THBS4: variants seen among roughly 807,000 people sequenced by gnomAD.
THBS4 encodes the protein thrombospondin-4.
THBS4 carries 90 observed loss-of-function variants against 115.7 expected under a neutral mutation model. The observed-to-expected ratio is 0.78, with a 90% CI of 0.66 to 0.93. The LOEUF (loss-of-function observed/expected upper bound fraction) is 0.93, where lower values mean the gene tolerates loss of function less well. Among genes scored for constraint, THBS4 ranks in the 40% least tolerant of loss-of-function variants. THBS4 has a pLI of 0.00. For synonymous variants in THBS4, 460 were observed against 479.3 expected, an observed-to-expected ratio of 0.96 and a Z score of 0.53; for missense variants, 1,087 against 1,232.7, an observed-to-expected ratio of 0.88 and a Z score of 1.77.
intron 3 of THBS4, 64 bp downstream of exon 3, chr5:80,056,096 A>G: frequency 6.6e-7 from 1 of 1,503,806 alleles, no homozygotes; most frequent in Non-Finnish European, 8.9e-7. Context: ...GGGAGTGCAG[A>G]GGAGCGTGCT....
chr5:80,082,196 G>A (rs1428446878), intron 20 of THBS4: 10 of 430,866 alleles, frequency 2.3e-5, no homozygotes, highest in African/African-American at 1.2e-4. Context: ...ACACACACAC[G>A]GACACACACG....
intron 2 of THBS4, among the ~76,000 whole-genome samples, chr5:80,008,677 G>T (rs1022382378): frequency 6.6e-6 from 1 of 152,046 alleles, no homozygotes; most frequent in African/African-American, 2.4e-5. Context: ...TTGATTTTGG[G>T]GCAGTTAATT....
In THBS4 at chr5:80,035,385, A is replaced by C; in HGVS notation, c.-153A>C. Reference sequence around the variant, plus strand: ...CCCAGCACCGCACGGCGGGGACGCGAGCGCGCCCCCGACGGCAGCCCGGAC... The same window carrying C: ...CCCAGCACCGCACGGCGGGGACGCGCGCGCGCCCCCGACGGCAGCCCGGAC... On this transcript the variant is annotated 5_prime_UTR_variant, in exon 1 of 22. Transcript: ENST00000350881. The surrounding 1 kb of genome is among the most constrained non-coding windows in gnomAD (Gnocchi z 4.6). The C allele has an allele frequency of 3.5e-6, 1 of 288,698 alleles. No individual in the cohort carries two copies. Among genetic ancestry groups the C allele is most frequent in the Non-Finnish European group, 5.9e-6 (1 of 169,808 alleles). 17.9% of individuals were successfully genotyped at this position (288,698 alleles called of 1,614,324 possible). A position where few individuals can be genotyped will look rare whatever the true frequency, so the allele number is the denominator to read the frequency against.
At position 80,012,162 on chromosome 5, in the gene THBS4, AAAAAT is replaced by A. The variant is rs567142366; in HGVS notation, n.177+13739_177+13743del. ...ATAAATAAAATTTAAAAGTAAAAAT[AAAAAT>A]AAAGGAAGGAGACCAAGAAATACTT... On this transcript the variant is annotated intron_variant and non_coding_transcript_variant, in intron 2 of 3. Coordinates refer to the THBS4 transcript ENST00000510218. Among the ~76,000 whole-genome samples, 9 of 152,246 alleles carry A rather than the reference AAAAAT, an allele frequency of 5.9e-5. No individual in the cohort carries two copies. The South Asian group carries it at 8.3e-4, about 14-fold the overall frequency.
chr5:80,076,827 G>C (rs1330735836), intron 15 of THBS4, 28 bp from the exon 16 acceptor site: 27 of 1,511,090 alleles, frequency 1.8e-5, no homozygotes, highest in Non-Finnish European at 2.1e-5. Context: ...TGAACTGTGA[G>C]CCACATCACC....
chr5:80,081,934 C>G, intron 20 of THBS4: 1 of 154,148 alleles, frequency 6.5e-6, no homozygotes. Flanking sequence ...TTAGGGAGTG[C>G]TGTCTCCTGT....
At chr5:80,025,705 C>T (rs1274093165) in intron 2 of THBS4, among the ~76,000 whole-genome samples, 1 of 152,178 alleles carries the variant, frequency 6.6e-6, no homozygotes, top group Non-Finnish European at 1.5e-5. Context: ...GTGATGAGCT[C>T]ATTCATCCTT....
In THBS4 at chr5:80,082,963, GGGGCGTCCTGGGC is replaced by G. The variant is rs869296433; in HGVS notation, c.2825-112_2825-100del. 4.4e-5 allele frequency: 26 copies of G among 589,824 alleles called. No individual in the cohort carries two copies. In the East Asian group the frequency reaches 1.2e-3, roughly 28 times the overall value. 36.5% of individuals were successfully genotyped at this position (589,824 alleles called of 1,614,324 possible). On this transcript the variant is annotated intron_variant, in intron 21 of 21. Transcript: ENST00000350881. ...GGAGAAAATGGCGGCGAGGGCCTGCGGGGCGTCCTGGGCGGGCTAACAGCGCCCCCTACAGGAC... is the reference window on the plus strand; with the variant it reads ...GGAGAAAATGGCGGCGAGGGCCTGCGGGGCTAACAGCGCCCCCTACAGGAC...
At chr5:80,071,919 A>G (rs1346845729) in intron 13 of THBS4, 1 of 207,376 alleles carries the variant, frequency 4.8e-6, no homozygotes, top group Non-Finnish European at 1.0e-5. Context: ...CAATGGACCC[A>G]GCTCCAGCAC....
chr5:80,080,577 ATCTTTTT>A (rs1743443858), intron 20 of THBS4, among the ~76,000 whole-genome samples: 1 of 66,826 alleles, frequency 1.5e-5, no homozygotes, highest in Non-Finnish European at 3.0e-5. Context: ...CAGCGCTTGT[ATCTTTTT>A]TTTTTTTTTT....
chr5:80,027,224 C>A (rs991102043), intron 2 of THBS4, among the ~76,000 whole-genome samples: 14 of 152,146 alleles, frequency 9.2e-5, no homozygotes, highest in African/African-American at 3.4e-4. Flanking sequence ...ACAGTAAGAC[C>A]TGAAGAGAAG....
At chr5:80,047,717 TC>T (rs1833117522) in intron 2 of THBS4, among the ~76,000 whole-genome samples, 1 of 151,140 alleles carries the variant, frequency 6.6e-6, no homozygotes. Context: ...CACTGCAACT[TC>T]CACCTCCCAG....
intron 2 of THBS4, among the ~76,000 whole-genome samples, chr5:80,006,892 TAAAA>T (rs1201781832): frequency 1.3e-5 from 2 of 152,174 alleles, no homozygotes; most frequent in Admixed American, 1.3e-4. Context: ...TTTATACAAA[TAAAA>T]AGGAATTTTA....
chr5:80,083,046 C>T (rs2112184539), intron 21 of THBS4, 34 bp from the exon 22 acceptor site: 3 of 1,601,346 alleles, frequency 1.9e-6, no homozygotes, highest in Non-Finnish European at 2.6e-6. Context: ...TGGAAGGAGC[C>T]TCGCTAACCT....
intron 2 of THBS4, among the ~76,000 whole-genome samples, chr5:80,054,143 C>A (rs971573754): frequency 6.8e-6 from 1 of 146,402 alleles, no homozygotes; most frequent in Admixed American, 6.8e-5. Flanking sequence ...ACCATGGATA[C>A]CTTTTCTTTT....
chr5:80,017,242 G>T lies in THBS4; in HGVS notation n.177+18815G>T, dbSNP rs912200272. Among the ~76,000 whole-genome samples, 5 of 152,190 alleles carry T rather than the reference G, an allele frequency of 3.3e-5. No homozygotes were observed. In the South Asian group the frequency reaches 8.3e-4, roughly 25 times the overall value. On this transcript the variant is annotated intron_variant and non_coding_transcript_variant, in intron 2 of 3. Transcript: ENST00000510218. Reference sequence around the variant, plus strand: ...CGTAAAGAAAACCTCCCCAAATAAAGAAAGCTTTTTCTTGGCACTCGAATC... The same window carrying T: ...CGTAAAGAAAACCTCCCCAAATAAATAAAGCTTTTTCTTGGCACTCGAATC...
At chr5:79,991,588 G>A (rs546970829) in intron 1 of THBS4, among the ~76,000 whole-genome samples, 1 of 152,094 alleles carries the variant, frequency 6.6e-6, no homozygotes, top group African/African-American at 2.4e-5. Flanking sequence ...TTACAATGTC[G>A]GAGAGAAAGA....
chr5:80,065,180 C>CT, intron 8 of THBS4, among the ~76,000 whole-genome samples: 1 of 152,038 alleles, frequency 6.6e-6, no homozygotes, highest in Non-Finnish European at 1.5e-5. Flanking sequence ...TACAAGTTGT[C>CT]TTTTCTGAAT....
chr5:79,997,396 G>T (rs1480121847), intron 1 of THBS4, among the ~76,000 whole-genome samples: 1 of 152,092 alleles, frequency 6.6e-6, no homozygotes, highest in Non-Finnish European at 1.5e-5. Context: ...GTATGTGTGT[G>T]TGTGTGTGTA....
Sources: gnomAD v4.1 joint callset for allele counts (sites outside exome capture counted in the v4.1 genomes callset) on GRCh38, gnomAD v4.1.1 for gene constraint, Gnocchi (gnomAD v3.1) non-coding constraint, MANE v1.5 for transcripts, NCBI Gene and HGNC (gene_info 2026-07-23, HGNC 2026-07-21) for gene names.